LRP1B: variants seen among roughly 807,000 people sequenced by gnomAD.
LRP1B encodes low-density lipoprotein receptor-related protein 1B.
Under a neutral mutation model 556.6 loss-of-function variants are expected in LRP1B, and 217 were observed. The observed-to-expected ratio is 0.39, with a 90% confidence interval of 0.35 to 0.44. LRP1B has a LOEUF of 0.44. Ranked by LOEUF, LRP1B falls within the 20% of genes least tolerant of loss-of-function variation. The pLI is 1.00. For missense variants in LRP1B, 5,053 were observed against 5,620.8 expected (o/e 0.90, Z 3.23); for synonymous variants, 2,047 against 1,865.8 (o/e 1.10, Z -2.50).
At chr2:141,438,818 T>A (rs1680860259) in intron 3 of LRP1B, among the ~76,000 whole-genome samples, 1 of 152,040 alleles carries the variant, frequency 6.6e-6, no homozygotes, top group Non-Finnish European at 1.5e-5. Flanking sequence ...GAAGAACAAT[T>A]AAAAATGGGA....
At chr2:140,749,608 C>T (rs760475552) in intron 35 of LRP1B, among the ~76,000 whole-genome samples, 1 of 152,200 alleles carries the variant, frequency 6.6e-6, no homozygotes, top group Non-Finnish European at 1.5e-5. Context: ...TCCACCTGCA[C>T]ATCTTGTCCC....
At chr2:141,079,866 T>C (rs989150321) in intron 7 of LRP1B, among the ~76,000 whole-genome samples, 1 of 152,188 alleles carries the variant, frequency 6.6e-6, no homozygotes, top group African/African-American at 2.4e-5. Flanking sequence ...AATCCAGCAT[T>C]AGATTCTAAG....
At chr2:141,688,775 C>G (rs145465719) in intron 2 of LRP1B, among the ~76,000 whole-genome samples, 10 of 151,912 alleles carry the variant, frequency 6.6e-5, no homozygotes, top group African/African-American at 2.2e-4. Context: ...GTATCAAAAA[C>G]CGTTTCAATT....
intron 21 of LRP1B, among the ~76,000 whole-genome samples, chr2:140,910,100 A>AAAAAAAC (rs59584042): frequency 4.6e-5 from 7 of 151,080 alleles, no homozygotes; most frequent in African/African-American, 1.4e-4. Flanking sequence ...TCTTACCAAA[A>AAAAAAAC]CAAAAAACAA....
chr2:140,818,767 T>C (rs1403306920), intron 31 of LRP1B, among the ~76,000 whole-genome samples: 1 of 151,898 alleles, frequency 6.6e-6, no homozygotes, highest in Non-Finnish European at 1.5e-5. Context: ...AAACTCCATC[T>C]CTACTAAAAA....
chr2:140,728,329 T>C (rs1285206165), intron 35 of LRP1B, among the ~76,000 whole-genome samples: 2 of 152,164 alleles, frequency 1.3e-5, no homozygotes, highest in South Asian at 2.1e-4. Context: ...AATTTTGACT[T>C]TCAGGTAACA....
At chr2:141,544,330 TCTTC>T (rs1247261196) in intron 2 of LRP1B, among the ~76,000 whole-genome samples, 818 of 43,074 alleles carry the variant, frequency 0.019, 32 homozygotes, top group Non-Finnish European at 0.033. Flanking sequence ...TTCTTCTTCT[TCTTC>T]TTCTTCTTCT....
At chr2:141,363,805 C>T (rs1436885196) in intron 3 of LRP1B, among the ~76,000 whole-genome samples, 1 of 152,016 alleles carries the variant, frequency 6.6e-6, no homozygotes, top group African/African-American at 2.4e-5. Flanking sequence ...TATAGTTATT[C>T]TATAAATATG....
chr2:141,448,968 G>A (rs745487799), intron 3 of LRP1B, among the ~76,000 whole-genome samples: 20 of 152,128 alleles, frequency 1.3e-4, no homozygotes, highest in Non-Finnish European at 2.6e-4. Flanking sequence ...AAACAAGGCC[G>A]CTAAACTTTG....
At chr2:141,256,875 T>C (rs937189794) in intron 3 of LRP1B, among the ~76,000 whole-genome samples, 1 of 151,864 alleles carries the variant, frequency 6.6e-6, no homozygotes, top group Non-Finnish European at 1.5e-5. Context: ...CATTGAAACC[T>C]AAAAAGTAAA....
intron 3 of LRP1B, among the ~76,000 whole-genome samples, chr2:141,269,170 A>G (rs1337340527): frequency 2.0e-5 from 3 of 152,230 alleles, no homozygotes; most frequent in Non-Finnish European, 4.4e-5. Flanking sequence ...TCAAGCCTAA[A>G]GGAACTGTCA....
At chr2:142,026,360 G>A (rs1044966852) in intron 1 of LRP1B, among the ~76,000 whole-genome samples, 2 of 152,040 alleles carry the variant, frequency 1.3e-5, no homozygotes, top group African/African-American at 4.8e-5. Flanking sequence ...CACGCCAGGT[G>A]ACACTTCCAT....
rs141931634 is a variant in LRP1B, at chr2:140,687,146, G to T, written c.6799+13104C>A. On this transcript the variant is annotated intron_variant, in intron 41 of 90. Coordinates refer to ENST00000389484, the MANE Select transcript of LRP1B (RefSeq NM_018557.3). ...AGAGTGATGAGATCCAAAGTCATCC[G>T]GAAAGATTTCTGAGAGAAGAGGAAA... Among the ~76,000 whole-genome samples, 6 of 152,140 alleles carry T rather than the reference G, an allele frequency of 3.9e-5. No individual in the cohort carries two copies. The East Asian group carries it at 9.7e-4, about 25-fold the overall frequency.
At chr2:141,535,737 C>T (rs1574055468) in intron 2 of LRP1B, among the ~76,000 whole-genome samples, 1 of 152,148 alleles carries the variant, frequency 6.6e-6, no homozygotes, top group East Asian at 1.9e-4. Context: ...TAAGAAATCA[C>T]CATCTTGAAA....
At chr2:140,668,187 T>C (rs967808984) in intron 41 of LRP1B, among the ~76,000 whole-genome samples, 19 of 151,792 alleles carry the variant, frequency 1.3e-4, no homozygotes, top group Middle Eastern at 3.4e-3. Context: ...GGCGTGCACC[T>C]TAGTCCCAGC....
chr2:140,244,041 C>G (rs992518613), intron 87 of LRP1B, among the ~76,000 whole-genome samples: 1 of 151,152 alleles, frequency 6.6e-6, no homozygotes, highest in Non-Finnish European at 1.5e-5. Flanking sequence ...GCTGTTTACT[C>G]CATTAGAACC....
chr2:140,444,538 ATTAG>A (rs1558886753), intron 64 of LRP1B, 21 bp downstream of exon 64: 1 of 1,611,724 alleles, frequency 6.2e-7, no homozygotes, highest in Middle Eastern at 1.7e-4. Flanking sequence ...ACTTATGTTC[ATTAG>A]TTAGGAATTT....
chr2:140,762,348 T>C (rs1688955605), intron 35 of LRP1B, among the ~76,000 whole-genome samples: 2 of 152,158 alleles, frequency 1.3e-5, no homozygotes, highest in South Asian at 4.1e-4. Flanking sequence ...AAACCCAGTT[T>C]AATATTAAAA....
At chr2:140,966,333 G>A (rs1446538960) in intron 18 of LRP1B, among the ~76,000 whole-genome samples, 1 of 152,118 alleles carries the variant, frequency 6.6e-6, no homozygotes, top group African/African-American at 2.4e-5. Context: ...CATGTCTGTG[G>A]GCTGCATAAA....
Sources: gnomAD v4.1 joint callset for allele counts (sites outside exome capture counted in the v4.1 genomes callset) on GRCh38, gnomAD v4.1.1 for gene constraint, MANE v1.5 for transcripts, NCBI Gene and HGNC (gene_info 2026-07-23, HGNC 2026-07-21) for gene names.